The following STPG2 variants were observed in gnomAD, a reference collection of about 807,000 sequenced individuals.
The protein encoded by STPG2 is sperm tail PG-rich repeat containing 2, also known as sperm-tail PG-rich repeat-containing protein 2.
A neutral mutation model predicts 54.2 loss-of-function variants in STPG2; 56 were observed. The observed-to-expected ratio is 1.03, with a 90% CI of 0.83 to 1.29. The LOEUF is 1.29. Ranked by LOEUF, STPG2 falls within the 50% of genes most tolerant of loss-of-function variation. The pLI, the probability that STPG2 is intolerant of heterozygous loss-of-function variation, is 0.00. For synonymous variants in STPG2, 200 were observed against 181.8 expected, an observed-to-expected ratio of 1.10 and a Z score of -0.81; for missense variants, 596 against 544.9, an observed-to-expected ratio of 1.09 and a Z score of -0.93.
intron 9 of STPG2, among the ~76,000 whole-genome samples, chr4:97,759,998 C>T (rs1725843786): frequency 6.6e-6 from 1 of 152,238 alleles, no homozygotes; most frequent in African/African-American, 2.4e-5. Context: ...TCATGGCACA[C>T]CAAGATCATT....
At chr4:97,795,655 A>C (rs1419671182) in intron 9 of STPG2, among the ~76,000 whole-genome samples, 2 of 152,232 alleles carry the variant, frequency 1.3e-5, no homozygotes, top group African/African-American at 4.8e-5. Context: ...TGCCACAATA[A>C]ACATATGTGT....
intron 8 of STPG2, among the ~76,000 whole-genome samples, chr4:97,847,873 A>T (rs567145957): frequency 6.6e-6 from 1 of 152,302 alleles, no homozygotes; most frequent in South Asian, 2.1e-4. Context: ...CCAAGGTTAT[A>T]TCTATTGTAA....
intron 9 of STPG2, among the ~76,000 whole-genome samples, chr4:97,789,473 TGGTTTCCATTAACTAGG>T (rs1309339669): frequency 1.3e-5 from 2 of 151,906 alleles, no homozygotes; most frequent in African/African-American, 4.8e-5. Flanking sequence ...TTTTGCCTCT[TGGTTTCCATTAACTAGG>T]GAAAATCAAT....
intron 5 of STPG2, among the ~76,000 whole-genome samples, chr4:98,066,766 A>C (rs1737850173): frequency 6.6e-6 from 1 of 152,186 alleles, no homozygotes; most frequent in Non-Finnish European, 1.5e-5. Context: ...TGTAATATCC[A>C]TAAATCACTT....
intron 3 of STPG2, among the ~76,000 whole-genome samples, chr4:98,128,111 A>G (rs776364637): frequency 1.3e-4 from 20 of 152,080 alleles, no homozygotes; most frequent in Non-Finnish European, 2.4e-4. Flanking sequence ...ATAATTCCCC[A>G]TCCTCTTCTG....
At chr4:97,744,325 G>A (rs1235652030) in intron 9 of STPG2, among the ~76,000 whole-genome samples, 1 of 151,212 alleles carries the variant, frequency 6.6e-6, no homozygotes, top group Non-Finnish European at 1.5e-5. Flanking sequence ...GGTAATTATT[G>A]TGTGGTCTTA....
intron 10 of STPG2, among the ~76,000 whole-genome samples, chr4:97,699,058 C>G (rs1723680313): frequency 6.6e-6 from 1 of 152,154 alleles, no homozygotes; most frequent in African/African-American, 2.4e-5. Context: ...AACCTCTGCC[C>G]TTTCAGAAGA....
chr4:97,959,051 G>A (rs562030523), intron 7 of STPG2, among the ~76,000 whole-genome samples: 14 of 152,156 alleles, frequency 9.2e-5, no homozygotes, highest in East Asian at 3.9e-4. Context: ...AATAAAACAC[G>A]AAATCAACTC....
At chr4:97,757,593 C>A (rs936854840) in intron 9 of STPG2, among the ~76,000 whole-genome samples, 1 of 152,152 alleles carries the variant, frequency 6.6e-6, no homozygotes, top group Non-Finnish European at 1.5e-5. Flanking sequence ...ATATCCGTAA[C>A]ACAAAACAAT....
At chr4:97,589,702 G>A (rs61246213) in intron 10 of STPG2, among the ~76,000 whole-genome samples, 20,223 of 152,100 alleles carry the variant, frequency 0.13, 4,142 homozygotes, top group African/African-American at 0.44. Context: ...GAATGTTCCC[G>A]GCAATGACGG....
At chr4:97,544,348 T>A (rs892817899) in intron 4 of STPG2, among the ~76,000 whole-genome samples, 4 of 151,982 alleles carry the variant, frequency 2.6e-5, no homozygotes, top group Non-Finnish European at 5.9e-5. Context: ...TATTGTGGGA[T>A]TTATGTGTTA....
chr4:97,740,410 G>A (rs1340374046), intron 9 of STPG2, among the ~76,000 whole-genome samples: 3 of 152,130 alleles, frequency 2.0e-5, no homozygotes, highest in African/African-American at 7.2e-5. Context: ...TAGGAAAAGA[G>A]GAAGTCAAAT....
intron 5 of STPG2, among the ~76,000 whole-genome samples, chr4:97,981,699 T>C (rs1429019217): frequency 2.0e-5 from 3 of 151,464 alleles, no homozygotes; most frequent in African/African-American, 4.8e-5. Context: ...ATTATATTTA[T>C]TGAAAAAGTT....
chr4:97,544,936 AC>A (rs1177144382), intron 4 of STPG2, among the ~76,000 whole-genome samples: 1 of 152,140 alleles, frequency 6.6e-6, no homozygotes, highest in Non-Finnish European at 1.5e-5. Flanking sequence ...AAAATCTGGT[AC>A]TACGAATGAC....
chr4:97,922,561 G>A (rs1578693805), intron 8 of STPG2, among the ~76,000 whole-genome samples: 1 of 152,282 alleles, frequency 6.6e-6, no homozygotes, highest in East Asian at 1.9e-4. Flanking sequence ...GTTCAAATAT[G>A]TATAAAAATG....
At chr4:97,665,382 T>C (rs1421546280) in intron 10 of STPG2, among the ~76,000 whole-genome samples, 2 of 152,126 alleles carry the variant, frequency 1.3e-5, no homozygotes, top group Non-Finnish European at 2.9e-5. Flanking sequence ...AGACCAACAG[T>C]GCGTAGCTCC....
intron 5 of STPG2, among the ~76,000 whole-genome samples, chr4:98,091,825 T>G (rs973366376): frequency 2.0e-5 from 3 of 152,172 alleles, no homozygotes; most frequent in Middle Eastern, 3.4e-3. Context: ...TGTAGAGTAT[T>G]ATTATTCATA....
intron 8 of STPG2, among the ~76,000 whole-genome samples, chr4:97,922,938 T>A (rs764535759): frequency 2.0e-5 from 3 of 152,236 alleles, no homozygotes; most frequent in Non-Finnish European, 4.4e-5. Context: ...CCTCCTTGCA[T>A]CTCTGGCCTT....
chr4:97,614,947 AC>A (rs1231426226), intron 10 of STPG2, among the ~76,000 whole-genome samples: 1 of 152,114 alleles, frequency 6.6e-6, no homozygotes, highest in African/African-American at 2.4e-5. Flanking sequence ...AATAAGGTGA[AC>A]TTTTTTCCTT....
Sources: gnomAD v4.1 joint callset for allele counts (sites outside exome capture counted in the v4.1 genomes callset) on GRCh38, gnomAD v4.1.1 for gene constraint, MANE v1.5 for transcripts, NCBI Gene and HGNC (gene_info 2026-07-23, HGNC 2026-07-21) for gene names.